TMEM132C: variants seen among roughly 807,000 people sequenced by gnomAD.
The protein encoded by TMEM132C is transmembrane protein 132C, also known as protein phosphatase 1, regulatory subunit 152.
TMEM132C carries 29 observed loss-of-function variants against 61.4 expected under a neutral mutation model. The observed-to-expected ratio is 0.47, with a 90% confidence interval of 0.35 to 0.64. The LOEUF (loss-of-function observed/expected upper bound fraction) is 0.64. TMEM132C is among the 30% of genes least tolerant of loss of function. TMEM132C has a pLI of 0.00. For synonymous variants in TMEM132C, 656 were observed against 633.1 expected, an observed-to-expected ratio of 1.04 and a Z score of -0.54; for missense variants, 1,408 against 1,476.9, an observed-to-expected ratio of 0.95 and a Z score of 0.76.
chr12:128,346,001 A>G (rs936913191), intron 1 of TMEM132C, among the ~76,000 whole-genome samples: 3 of 152,132 alleles, frequency 2.0e-5, no homozygotes, highest in Non-Finnish European at 4.4e-5. Flanking sequence ...GTTGTCTTCT[A>G]TGGTTTTTAA....
At chr12:128,310,103 G>A (rs1480765556) in intron 1 of TMEM132C, among the ~76,000 whole-genome samples, 1 of 152,160 alleles carries the variant, frequency 6.6e-6, no homozygotes, top group Non-Finnish European at 1.5e-5. Context: ...TTTTGACTAT[G>A]CAAACCTTTG....
chr12:128,416,631 G>A (rs1203480626), intron 2 of TMEM132C, among the ~76,000 whole-genome samples: 2 of 152,006 alleles, frequency 1.3e-5, no homozygotes, highest in Non-Finnish European at 2.9e-5. Context: ...TTTAACTTTT[G>A]TAATATAGCT....
chr12:128,677,303 A>G (rs1954598232), intron 5 of TMEM132C, among the ~76,000 whole-genome samples: 1 of 152,204 alleles, frequency 6.6e-6, no homozygotes, highest in Non-Finnish European at 1.5e-5. Flanking sequence ...GCCATTTTCT[A>G]GGTACCATTC....
At chr12:128,378,019 G>A (rs952630280) in intron 1 of TMEM132C, among the ~76,000 whole-genome samples, 4 of 152,284 alleles carry the variant, frequency 2.6e-5, no homozygotes, top group East Asian at 1.9e-4. Context: ...CCTGGAGCAC[G>A]GAGCCAGGAA....
intron 3 of TMEM132C, among the ~76,000 whole-genome samples, chr12:128,558,373 C>T (rs1874401061): frequency 6.6e-6 from 1 of 152,186 alleles, no homozygotes; most frequent in African/African-American, 2.4e-5. Flanking sequence ...TTTTCCCATG[C>T]TGTTCTCATG....
rs117315518 is a variant in TMEM132C, at chr12:128,281,922, C to T, written c.85+14435C>T. Among the ~76,000 whole-genome samples the T allele has an allele frequency of 3.6e-4, 55 of 152,326 alleles. No individual in the cohort carries two copies. In the East Asian group the frequency reaches 6.2e-3, roughly 17 times the overall value. ...ACCCAGCCTCATTATTTCATTTCTTCCATAAATAGTTCCTTCATAAAAGGG... is the reference window on the plus strand; with the variant it reads ...ACCCAGCCTCATTATTTCATTTCTTTCATAAATAGTTCCTTCATAAAAGGG... On this transcript the variant is annotated intron_variant, in intron 1 of 8. Transcript: ENST00000435159.
intron 1 of TMEM132C, among the ~76,000 whole-genome samples, chr12:128,273,777 G>A (rs930517742): frequency 2.6e-5 from 4 of 152,002 alleles, no homozygotes; most frequent in Non-Finnish European, 5.9e-5. Context: ...TTATGTTACG[G>A]TGCTTTGTAT....
chr12:128,552,978 G>A (rs1010625165), intron 3 of TMEM132C, among the ~76,000 whole-genome samples: 1 of 152,180 alleles, frequency 6.6e-6, no homozygotes, highest in Non-Finnish European at 1.5e-5. Context: ...AATAGCAAGA[G>A]GCTGTGTGCT....
intron 1 of TMEM132C, among the ~76,000 whole-genome samples, chr12:128,394,106 G>A (rs563917062): frequency 3.9e-5 from 6 of 152,166 alleles, no homozygotes; most frequent in Non-Finnish European, 8.8e-5. Flanking sequence ...AAGGTGAAAG[G>A]CGTGTCTTAC....
At position 128,705,119 on chromosome 12, in the gene TMEM132C, C is replaced by A; in HGVS notation, c.2151C>A (p.Phe717Leu). ...CTGTATTCAGCACGTGGCTGCAGTT[C>A]AGTGATGGCTCTGTGACGCCCCTGG... ...QEAVFSTWLQ[F>L]SDGSVTPLDI... is the part of the protein sequence containing the mutation. The change falls in exon 9 of 9, where the codon TTC becomes TTA. Residue 717 changes from phenylalanine (F) to leucine (L), a missense_variant. Coordinates refer to ENST00000435159, the MANE Select transcript of TMEM132C (RefSeq NM_001136103.3). The A allele has an allele frequency of 6.5e-7, 1 of 1,547,800 alleles. No homozygotes were observed. The highest frequency in any genetic ancestry group is 1.2e-5 in the South Asian group (1 of 83,682).
At chr12:128,434,263 T>C (rs887088455) in intron 2 of TMEM132C, among the ~76,000 whole-genome samples, 4 of 152,224 alleles carry the variant, frequency 2.6e-5, no homozygotes, top group African/African-American at 7.2e-5. Context: ...ACCTCACTCT[T>C]AGAGTTTCTG....
intron 2 of TMEM132C, among the ~76,000 whole-genome samples, chr12:128,447,686 T>TATG (rs1384449859): frequency 2.0e-5 from 3 of 150,722 alleles, no homozygotes; most frequent in African/African-American, 7.3e-5. Context: ...CTCCTAGACG[T>TATG]ATGATATTAT....
At chr12:128,299,915 A>G (rs1871542943) in intron 1 of TMEM132C, among the ~76,000 whole-genome samples, 1 of 152,248 alleles carries the variant, frequency 6.6e-6, no homozygotes, top group Non-Finnish European at 1.5e-5. Flanking sequence ...CACCAGGAAG[A>G]GACCAGGAGT....
Position 128,415,712 on chromosome 12 carries a change from AT to A in TMEM132C, c.974+96del. The A allele has an allele frequency of 7.3e-7, 1 of 1,377,796 alleles. No individual in the cohort carries two copies. The allele number at this position is 1,377,796 out of a possible 1,614,324, so 85.3% of individuals were successfully genotyped here. ...GCAGATAGATATTCAGGAAGCATCG[AT>A]TTTCACTACCTTCAGGGACCGTTTG... is the stretch of plus-strand genomic sequence containing the variant. On this transcript the variant is annotated intron_variant, in intron 2 of 8. Transcript: ENST00000435159. The surrounding 1 kb of genome is among the most constrained non-coding windows in gnomAD (Gnocchi z 5.8).
intron 4 of TMEM132C, among the ~76,000 whole-genome samples, chr12:128,625,699 C>A (rs1242501793): frequency 6.6e-6 from 1 of 152,200 alleles, no homozygotes; most frequent in African/African-American, 2.4e-5. Context: ...CCCACTGGGC[C>A]TCTCCCACAA....
chr12:128,566,373 G>C (rs533471672), intron 3 of TMEM132C, among the ~76,000 whole-genome samples: 1 of 152,180 alleles, frequency 6.6e-6, no homozygotes, highest in South Asian at 2.1e-4. Context: ...TATTGTTTGG[G>C]GGAGGTTTTC....
chr12:128,404,611 A>T (rs1875274852), intron 1 of TMEM132C: 1 of 152,176 alleles, frequency 6.6e-6, no homozygotes, highest in Non-Finnish European at 1.5e-5. Context: ...GCACTGAGTG[A>T]CGTGGCCTTG....
At chr12:128,359,951 G>A (rs191284486) in intron 1 of TMEM132C, among the ~76,000 whole-genome samples, 190 of 152,240 alleles carry the variant, frequency 1.2e-3, no homozygotes, top group African/African-American at 4.1e-3. Context: ...CCAGGAGGAC[G>A]GGTGATGAAG....
chr12:128,538,936 C>G (rs1873635769), intron 2 of TMEM132C, among the ~76,000 whole-genome samples: 1 of 152,144 alleles, frequency 6.6e-6, no homozygotes, highest in Admixed American at 6.6e-5. Flanking sequence ...TTTTCCTTCT[C>G]TGCATAATGA....
Sources: allele counts gnomAD v4.1 joint callset (sites outside exome capture counted in the v4.1 genomes callset), GRCh38; gene constraint gnomAD v4.1.1; non-coding constraint Gnocchi (gnomAD v3.1); transcripts MANE v1.5; gene names NCBI Gene and HGNC (gene_info 2026-07-23, HGNC 2026-07-21).